The following MIB1 variants were observed in gnomAD, a reference collection of about 807,000 sequenced individuals.
MIB1 encodes MIB E3 ubiquitin protein ligase 1.
Under a neutral mutation model 124.5 loss-of-function variants are expected in MIB1, and 278 were observed. That is an observed-to-expected ratio of 2.23 (90% CI 2.02 to 2.47). The LOEUF (loss-of-function observed/expected upper bound fraction) is 2.47, where lower values mean the gene tolerates loss of function less well. MIB1 is among the 30% of genes most tolerant of loss of function. The pLI is 0.00. For missense variants in MIB1, 957 were observed against 1,254.4 expected (o/e 0.76, Z 3.58); for synonymous variants, 446 against 429.4 (o/e 1.04, Z -0.48).
At chr18:21,836,992 A>C (rs768393699) in intron 12 of MIB1, among the ~76,000 whole-genome samples, 1 of 152,242 alleles carries the variant, frequency 6.6e-6, no homozygotes, top group Non-Finnish European at 1.5e-5. Context: ...AGAAAACCTT[A>C]GTCTTCTATG....
Position 21,798,382 on chromosome 18 carries a change from T to C in MIB1, c.1237+154T>C, listed in dbSNP as rs554263390. Among the ~76,000 whole-genome samples the C allele has an allele frequency of 1.1e-4, 17 of 152,246 alleles. No homozygotes were observed. In the South Asian group the frequency reaches 3.5e-3, roughly 32 times the overall value. ...TTGAATGTTGACCACCTTTTAAACT[T>C]TCACTAAAAATTTTTGTTTTTTATA... is the stretch of plus-strand genomic sequence containing the variant. On this transcript the variant is annotated intron_variant, in intron 8 of 20. Transcript: ENST00000261537.
intron 1 of MIB1, among the ~76,000 whole-genome samples, chr18:21,711,316 C>G (rs1423091028): frequency 6.6e-6 from 1 of 151,954 alleles, no homozygotes; most frequent in Non-Finnish European, 1.5e-5. Context: ...GAGTCTCACT[C>G]TGTCACAAAA....
At chr18:21,771,586 TCTTAA>T (rs1314199807) in intron 3 of MIB1, among the ~76,000 whole-genome samples, 2 of 152,158 alleles carry the variant, frequency 1.3e-5, no homozygotes, top group African/African-American at 4.8e-5. Context: ...AATGGTGGAC[TCTTAA>T]CTTCAGGATG....
intron 10 of MIB1, among the ~76,000 whole-genome samples, chr18:21,811,779 A>G (rs530145308): frequency 6.6e-6 from 1 of 152,228 alleles, no homozygotes; most frequent in East Asian, 1.9e-4. Flanking sequence ...TGCAAGATGA[A>G]AAAAGTTCTA....
intron 7 of MIB1, among the ~76,000 whole-genome samples, chr18:21,794,818 G>A (rs978524153): frequency 6.6e-6 from 1 of 152,016 alleles, no homozygotes; most frequent in Non-Finnish European, 1.5e-5. Context: ...GATACTCAAG[G>A]AAAGAATATA....
At chr18:21,761,584 C>T (rs1184076566) in intron 1 of MIB1, among the ~76,000 whole-genome samples, 1 of 152,144 alleles carries the variant, frequency 6.6e-6, no homozygotes, top group Non-Finnish European at 1.5e-5. Context: ...TGACATTCCA[C>T]CTAAAGAGGC....
chr18:21,849,926 A>T (rs2042167399), intron 17 of MIB1, among the ~76,000 whole-genome samples: 1 of 152,094 alleles, frequency 6.6e-6, no homozygotes, highest in South Asian at 2.1e-4. Context: ...TGTTTCCTGT[A>T]AGCTGGAAGT....
chr18:21,861,129 G>A (rs2042272963), intron 20 of MIB1, among the ~76,000 whole-genome samples: 1 of 152,126 alleles, frequency 6.6e-6, no homozygotes, highest in Admixed American at 6.5e-5. Flanking sequence ...GATTAGGCCA[G>A]TTTTTCTTTT....
At chr18:21,799,355 C>G (rs1217724292) in intron 8 of MIB1, among the ~76,000 whole-genome samples, 1 of 151,998 alleles carries the variant, frequency 6.6e-6, no homozygotes, top group Non-Finnish European at 1.5e-5. Flanking sequence ...CAGTTTCAAC[C>G]TAAAGAAAAT....
chr18:21,822,587 G>A (rs1240840118), intron 12 of MIB1, among the ~76,000 whole-genome samples: 1 of 152,154 alleles, frequency 6.6e-6, no homozygotes, highest in African/African-American at 2.4e-5. Flanking sequence ...GATAGAGTGT[G>A]ATTTTAATTG....
intron 10 of MIB1, among the ~76,000 whole-genome samples, chr18:21,806,047 T>C (rs2041702411): frequency 6.6e-6 from 1 of 151,432 alleles, no homozygotes; most frequent in Non-Finnish European, 1.5e-5. Context: ...AGATTACAGA[T>C]GTGCACCATT....
At chr18:21,760,334 CCTTT>C (rs1270366571) in intron 1 of MIB1, among the ~76,000 whole-genome samples, 3 of 152,198 alleles carry the variant, frequency 2.0e-5, no homozygotes, top group Non-Finnish European at 2.9e-5. Flanking sequence ...TATTTAATGC[CCTTT>C]CTTCTGTTTT....
rs531954045 is a variant in MIB1 at position 21,850,726 on chromosome 18, G to A, written c.2586+1338G>A. On this transcript the variant is annotated intron_variant, in intron 17 of 20. Transcript: ENST00000261537. ...CAGACACTGTGTTGGCATTTCATTT[G>A]TATTAAATAGGTGTTAACCCTGCTT... is the stretch of plus-strand genomic sequence containing the variant. 3.2e-4 allele frequency among the ~76,000 whole-genome samples: 48 copies of A among 152,258 alleles called. 1 individual carries two copies. The South Asian group carries it at 9.1e-3, about 29-fold the overall frequency.
intron 1 of MIB1, among the ~76,000 whole-genome samples, chr18:21,723,766 A>T (rs939043324): frequency 3.9e-5 from 6 of 152,208 alleles, no homozygotes; most frequent in African/African-American, 1.2e-4. Flanking sequence ...CACCCGCCTC[A>T]GCCTCCCAAA....
rs142899008 is a variant in MIB1 at position 21,714,908 on chromosome 18, C to T, written n.167+9785C>T. On this transcript the variant is annotated intron_variant and non_coding_transcript_variant, in intron 1 of 20. Coordinates refer to the MIB1 transcript ENST00000578646. ...ATGATGAGAATTGCAGAGCTTTGGC[C>T]CTAGCTCATGAAAAGGCAGTAAATT... Among the ~76,000 whole-genome samples, 929 of 152,208 alleles carry T rather than the reference C, an allele frequency of 6.1e-3. 12 individuals are homozygous for T. The highest frequency in any genetic ancestry group is 5.6e-3 in the Non-Finnish European group (382 of 68,014).
rs2040849339 is a variant in MIB1, at chr18:21,741,458, C to T, written c.-126C>T. Reference sequence around the variant, plus strand: ...CGCCCCCGTGAGTTATTCTCACGTCCCCCGGGGCTCGCTGCCGCCCCCGCC... The same window carrying T: ...CGCCCCCGTGAGTTATTCTCACGTCTCCCGGGGCTCGCTGCCGCCCCCGCC... On this transcript the variant is annotated 5_prime_UTR_variant, in exon 1 of 21. Transcript: ENST00000261537. This position sits in a 1 kb window ranked among gnomAD's most constrained non-coding sequence, Gnocchi z 5.4. 6 of 464,982 alleles carry T rather than the reference C, an allele frequency of 1.3e-5. No homozygotes were observed. Among genetic ancestry groups the T allele is most frequent in the Non-Finnish European group, 1.9e-5 (6 of 308,260 alleles). The allele number at this position is 464,982 out of a possible 1,614,324, so 28.8% of individuals were successfully genotyped here. A position where few individuals can be genotyped will look rare whatever the true frequency, so the allele number is the denominator to read the frequency against.
chr18:21,709,590 T>G (rs2040656870), intron 1 of MIB1, among the ~76,000 whole-genome samples: 5 of 152,196 alleles, frequency 3.3e-5, no homozygotes, highest in Admixed American at 3.3e-4. Flanking sequence ...CTAGGTTGTA[T>G]CTCACCTTCC....
chr18:21,821,508 C>T (rs527510933), intron 12 of MIB1, among the ~76,000 whole-genome samples: 9 of 152,160 alleles, frequency 5.9e-5, no homozygotes, highest in South Asian at 4.2e-4. Flanking sequence ...TTATCTTAAC[C>T]GTCTTTCTTC....
chr18:21,740,792 C>T lies in MIB1; in HGVS notation c.-792C>T, dbSNP rs73963244. Reference sequence around the variant, plus strand: ...CTAGACCGCGCGCATGCGCACTCTCCTTGGACCCTGGAGAGACGCTTAGGG... The same window carrying T: ...CTAGACCGCGCGCATGCGCACTCTCTTTGGACCCTGGAGAGACGCTTAGGG... On this transcript the variant is annotated 5_prime_UTR_variant, in exon 1 of 21. Transcript: ENST00000261537. 8.9e-3 allele frequency among the ~76,000 whole-genome samples: 1,356 copies of T among 152,056 alleles called. 22 individuals carry two copies. The highest frequency in any genetic ancestry group is 0.03 in the African/African-American group (1,268 of 41,580).
Sources: gnomAD v4.1 joint callset for allele counts (sites outside exome capture counted in the v4.1 genomes callset) on GRCh38, gnomAD v4.1.1 for gene constraint, Gnocchi (gnomAD v3.1) non-coding constraint, MANE v1.5 for transcripts, NCBI Gene and HGNC (gene_info 2026-07-23, HGNC 2026-07-21) for gene names.